The following SEC24D variants were observed in gnomAD, a reference collection of about 807,000 sequenced individuals.
SEC24D encodes the protein protein transport protein Sec24D.
Under a neutral mutation model 116.9 loss-of-function variants are expected in SEC24D, and 69 were observed. The observed-to-expected ratio is 0.59, with a 90% CI of 0.49 to 0.72. SEC24D has a LOEUF of 0.72. SEC24D is among the 30% of genes least tolerant of loss of function. The probability of loss-of-function intolerance (pLI) is 0.00; values close to 1 mark genes in which losing one functional copy is unlikely to be tolerated. For synonymous variants in SEC24D, 405 were observed against 442.8 expected (o/e 0.91, Z 1.07); for missense variants, 1,131 against 1,264.1 (o/e 0.89, Z 1.60).
At chr4:118,825,407 T>C in intron 2 of SEC24D, 1 of 362,408 alleles carries the variant, frequency 2.8e-6, no homozygotes. Context: ...ATGTCTGTGT[T>C]TTCATTTATT....
chr4:118,795,487 G>A (rs1446935014), intron 8 of SEC24D, among the ~76,000 whole-genome samples: 1 of 152,078 alleles, frequency 6.6e-6, no homozygotes, highest in Non-Finnish European at 1.5e-5. Context: ...GGGATTACAG[G>A]TGTGAGCCAC....
intron 7 of SEC24D, among the ~76,000 whole-genome samples, chr4:118,804,501 T>C (rs892888829): frequency 6.6e-6 from 1 of 151,756 alleles, no homozygotes; most frequent in Non-Finnish European, 1.5e-5. Context: ...TTTTAAATAT[T>C]AAATAAATAG....
chr4:118,782,478 C>T (rs752557283), intron 8 of SEC24D, among the ~76,000 whole-genome samples: 15 of 152,276 alleles, frequency 9.9e-5, no homozygotes, highest in Non-Finnish European at 1.9e-4. Flanking sequence ...CTGGAAGCTT[C>T]GTCCCAGGGG....
rs200473197 is a variant in SEC24D, at chr4:118,731,364, G to C, written c.2820C>G (p.Ile940Met). The change falls in exon 21 of 23, where the codon ATC becomes ATG. Residue 940 changes from isoleucine to methionine, a missense_variant. Transcript: ENST00000280551. ...AAGATGGCACATTAAATATTCCTTG[G>C]ATCAGTTCTGGTGGGCTGCTTACTC... is the stretch of plus-strand genomic sequence containing the variant. ...WLGVSSPPELIQGIFNVPSFA... is the reference protein window; with the variant it reads ...WLGVSSPPELMQGIFNVPSFA... 2.4e-5 allele frequency: 38 copies of C among 1,613,964 alleles called. No homozygotes were observed. The East Asian group carries it at 8.2e-4, about 35-fold the overall frequency.
At chr4:118,754,187 T>C in intron 11 of SEC24D, 1 of 152,154 alleles carries the variant, frequency 6.6e-6, no homozygotes, top group East Asian at 1.9e-4. Flanking sequence ...ACTTGGAAAC[T>C]GTTTATATTC....
At chr4:118,780,100 C>G (rs1560685474) in intron 8 of SEC24D, among the ~76,000 whole-genome samples, 1 of 152,184 alleles carries the variant, frequency 6.6e-6, no homozygotes, top group Non-Finnish European at 1.5e-5. Context: ...TTCTCTATCT[C>G]CTTCAGTTCT....
chr4:118,831,566 C>G (rs1426817428), intron 2 of SEC24D, among the ~76,000 whole-genome samples: 1 of 151,976 alleles, frequency 6.6e-6, no homozygotes, highest in Non-Finnish European at 1.5e-5. Context: ...TGAATATGGC[C>G]CAACACAAAT....
intron 11 of SEC24D, among the ~76,000 whole-genome samples, chr4:118,753,760 T>G (rs923170257): frequency 6.6e-6 from 1 of 152,164 alleles, no homozygotes; most frequent in African/African-American, 2.4e-5. Flanking sequence ...TAGATACTAT[T>G]GATGCTCTTA....
intron 15 of SEC24D, among the ~76,000 whole-genome samples, chr4:118,741,730 A>G (rs1450004389): frequency 6.6e-6 from 1 of 152,208 alleles, no homozygotes; most frequent in Non-Finnish European, 1.5e-5. Flanking sequence ...AGTCCCAAAC[A>G]CGAAGGGAAT....
chr4:118,777,033 A>T (rs1173597754), intron 8 of SEC24D, among the ~76,000 whole-genome samples: 1 of 152,132 alleles, frequency 6.6e-6, no homozygotes, highest in African/African-American at 2.4e-5. Flanking sequence ...TATTCCCTGC[A>T]TTAGTCTTAC....
At chr4:118,786,673 TG>T in intron 8 of SEC24D, among the ~76,000 whole-genome samples, 1 of 152,276 alleles carries the variant, frequency 6.6e-6, no homozygotes, top group South Asian at 2.1e-4. Flanking sequence ...TGAGAAAATA[TG>T]GGCCTTAGAA....
intron 2 of SEC24D, among the ~76,000 whole-genome samples, chr4:118,832,699 G>C (rs1730915264): frequency 6.6e-6 from 1 of 152,170 alleles, no homozygotes; most frequent in Non-Finnish European, 1.5e-5. Context: ...AGCATTGTAT[G>C]AGGATTAAAT....
chr4:118,779,245 T>A (rs1344305901), intron 8 of SEC24D, among the ~76,000 whole-genome samples: 2 of 152,200 alleles, frequency 1.3e-5, no homozygotes, highest in Non-Finnish European at 2.9e-5. Flanking sequence ...GGGTTTGTCA[T>A]GAATAGCTCT....
At chr4:118,784,739 G>C (rs1327213417) in intron 8 of SEC24D, among the ~76,000 whole-genome samples, 8 of 132,306 alleles carry the variant, frequency 6.0e-5, no homozygotes, top group African/African-American at 8.7e-5. Flanking sequence ...ATCCTTCCCT[G>C]CCCCCCCCCC....
intron 14 of SEC24D, 37 bp downstream of exon 14, chr4:118,744,907 T>C: frequency 1.8e-6 from 2 of 1,134,162 alleles, no homozygotes; most frequent in Non-Finnish European, 2.7e-6. Context: ...CTCCTCTTAA[T>C]AATTGACATA....
chr4:118,810,075 TG>T (rs368044888), intron 6 of SEC24D, among the ~76,000 whole-genome samples: 2 of 31,718 alleles, frequency 6.3e-5, no homozygotes, highest in East Asian at 1.3e-3. Flanking sequence ...CAGAGGTAGC[TG>T]TGTGTGTGTG....
intron 14 of SEC24D, among the ~76,000 whole-genome samples, chr4:118,744,740 A>G (rs1269830265): frequency 1.3e-5 from 2 of 152,204 alleles, no homozygotes; most frequent in Non-Finnish European, 2.9e-5. Context: ...CCTTATTTTA[A>G]TTTACATATT....
At position 118,741,126 on chromosome 4, in the gene SEC24D, T is replaced by A. The variant is rs75298519; in HGVS notation, c.1996-89A>T. ...CATTTTAATCCTGAGTTATAATAAT[T>A]ATTTTTAAAATCCCGATTTAGCATA... On this transcript the variant is annotated intron_variant, in intron 15 of 22. Transcript: ENST00000280551. The A allele has an allele frequency of 4.8e-3, 2,965 of 622,110 alleles. 75 individuals are homozygous for A. In the African/African-American group the frequency reaches 0.049, roughly 10 times the overall value. 38.5% of individuals were successfully genotyped at this position (622,110 alleles called of 1,614,324 possible).
intron 7 of SEC24D, among the ~76,000 whole-genome samples, chr4:118,800,308 C>T (rs1019937111): frequency 4.6e-5 from 7 of 152,154 alleles, no homozygotes; most frequent in Admixed American, 6.5e-5. Context: ...GTTTATGGTC[C>T]TGAGCTTAAA....
Sources: allele counts gnomAD v4.1 joint callset (sites outside exome capture counted in the v4.1 genomes callset), GRCh38; gene constraint gnomAD v4.1.1; transcripts MANE v1.5; gene names NCBI Gene and HGNC (gene_info 2026-07-23, HGNC 2026-07-21).